Variants in DNM3 observed in about 807,000 individuals in gnomAD.
DNM3 encodes the protein dynamin-3.
A neutral mutation model predicts 101.6 loss-of-function variants in DNM3; 47 were observed. The ratio of observed to expected loss-of-function variants is 0.46; its 90% CI spans 0.37 to 0.59. The LOEUF (loss-of-function observed/expected upper bound fraction) is 0.59, where lower values mean the gene tolerates loss of function less well. DNM3 is among the 20% of genes least tolerant of loss of function. The pLI is 0.00. For missense variants in DNM3, 849 were observed against 1,085.7 expected, an observed-to-expected ratio of 0.78 and a Z score of 3.06; for synonymous variants, 385 against 387.9, an observed-to-expected ratio of 0.99 and a Z score of 0.09.
chr1:171,927,469 G>T (rs1383567484), intron 2 of DNM3, among the ~76,000 whole-genome samples: 1 of 151,972 alleles, frequency 6.6e-6, no homozygotes, highest in Non-Finnish European at 1.5e-5. Flanking sequence ...TCATCATTTA[G>T]CTCCCACTTA....
intron 17 of DNM3, among the ~76,000 whole-genome samples, chr1:172,332,787 T>A (rs1171868879): frequency 6.6e-6 from 1 of 152,202 alleles, no homozygotes; most frequent in Admixed American, 6.5e-5. Context: ...AGCCACATGG[T>A]TACACCTAAA....
chr1:172,410,969 A>G lies in DNM3; in HGVS notation c.*3128A>G. 1.0e-6 allele frequency: 1 copy of G among 985,246 alleles called. No homozygotes were observed. Among genetic ancestry groups the G allele is most frequent in the Non-Finnish European group, 1.2e-6 (1 of 829,784 alleles). 61.0% of individuals were successfully genotyped at this position (985,246 alleles called of 1,614,324 possible). On this transcript the variant is annotated 3_prime_UTR_variant, in exon 21 of 21. Coordinates refer to ENST00000627582, the MANE Select transcript of DNM3 (RefSeq NM_015569.5). ...GTCTCTGTGTATATGGCATATACCT[A>G]GTAAGTATGTTTCTGTAAGTATGTG... is the stretch of plus-strand genomic sequence containing the variant.
intron 2 of DNM3, among the ~76,000 whole-genome samples, chr1:171,973,307 G>A (rs2044145840): frequency 6.6e-6 from 1 of 152,140 alleles, no homozygotes; most frequent in Admixed American, 6.6e-5. Context: ...TCTTTGACTG[G>A]CATCTCCTAC....
intron 15 of DNM3, among the ~76,000 whole-genome samples, chr1:172,267,644 A>T (rs12135937): frequency 0.3 from 45,072 of 151,944 alleles, 6,922 homozygotes; most frequent in Middle Eastern, 0.43. Flanking sequence ...TGCTTTGTAG[A>T]TAGCTACACT....
intron 7 of DNM3, among the ~76,000 whole-genome samples, chr1:172,040,790 G>A (rs546916067): frequency 4.6e-5 from 7 of 151,758 alleles, no homozygotes; most frequent in South Asian, 2.1e-4. Context: ...TAAAGAACAC[G>A]TAAAAATTAG....
intron 2 of DNM3, among the ~76,000 whole-genome samples, chr1:171,941,248 G>A (rs1160762321): frequency 6.6e-5 from 10 of 152,114 alleles, no homozygotes; most frequent in Admixed American, 3.3e-4. Flanking sequence ...TGTTCAAATT[G>A]AGGATGGCTA....
chr1:171,895,643 T>C (rs2037717437), intron 1 of DNM3, among the ~76,000 whole-genome samples: 1 of 152,178 alleles, frequency 6.6e-6, no homozygotes, highest in African/African-American at 2.4e-5. Context: ...TTTAGTTTAA[T>C]TAGATCCCAT....
chr1:172,259,392 T>G (rs990869184), intron 15 of DNM3, among the ~76,000 whole-genome samples: 13 of 152,126 alleles, frequency 8.5e-5, no homozygotes, highest in African/African-American at 2.7e-4. Flanking sequence ...CCTTCAGGTC[T>G]AATAATATTT....
At chr1:172,217,825 G>A (rs191002532) in intron 14 of DNM3, among the ~76,000 whole-genome samples, 1 of 152,194 alleles carries the variant, frequency 6.6e-6, no homozygotes, top group East Asian at 1.9e-4. Context: ...AAATCACAAT[G>A]AGTGCATTTG....
At chr1:172,096,267 G>A (rs1239077676) in intron 13 of DNM3, among the ~76,000 whole-genome samples, 4 of 152,080 alleles carry the variant, frequency 2.6e-5, no homozygotes, top group Admixed American at 2.0e-4. Flanking sequence ...TCATTAGGAC[G>A]TAAGACCCAT....
intron 14 of DNM3, among the ~76,000 whole-genome samples, chr1:172,251,298 TGTTCTTTTA>T (rs1445133213): frequency 1.3e-5 from 2 of 152,170 alleles, no homozygotes; most frequent in Non-Finnish European, 2.9e-5. Flanking sequence ...AGATTCATGA[TGTTCTTTTA>T]GCAGAACATC....
At chr1:172,100,945 G>T (rs78893694) in intron 13 of DNM3, among the ~76,000 whole-genome samples, 4 of 152,142 alleles carry the variant, frequency 2.6e-5, no homozygotes, top group East Asian at 1.9e-4. Flanking sequence ...ACCTTCTAAG[G>T]TTCAGTCTGA....
At chr1:172,127,412 A>ATTG (rs2148053561) in intron 13 of DNM3, among the ~76,000 whole-genome samples, 1 of 146,814 alleles carries the variant, frequency 6.8e-6, no homozygotes, top group East Asian at 2.0e-4. Context: ...TATTATTATT[A>ATTG]TTATTATTAT....
At chr1:172,386,329 G>T (rs1350777506) in intron 18 of DNM3, among the ~76,000 whole-genome samples, 1 of 152,020 alleles carries the variant, frequency 6.6e-6, no homozygotes, top group Non-Finnish European at 1.5e-5. Context: ...TAGAGTTGAT[G>T]AGATACAGTA....
At chr1:171,950,632 C>A (rs1403978423) in intron 2 of DNM3, among the ~76,000 whole-genome samples, 1 of 152,014 alleles carries the variant, frequency 6.6e-6, no homozygotes, top group African/African-American at 2.4e-5. Flanking sequence ...TGCAAATTAA[C>A]CTATAGTGAC....
intron 14 of DNM3, among the ~76,000 whole-genome samples, chr1:172,218,769 C>G (rs955531491): frequency 6.6e-6 from 1 of 151,964 alleles, no homozygotes; most frequent in Non-Finnish European, 1.5e-5. Context: ...TAAGAAGAGT[C>G]AGTAACTGTT....
intron 11 of DNM3, among the ~76,000 whole-genome samples, chr1:172,075,126 A>G (rs1319229171): frequency 6.6e-6 from 1 of 151,654 alleles, no homozygotes; most frequent in East Asian, 1.9e-4. Context: ...TTCTTTTGAG[A>G]AGTGTCTGTT....
At chr1:172,257,108 T>C (rs1364411777) in intron 15 of DNM3, among the ~76,000 whole-genome samples, 2 of 152,074 alleles carry the variant, frequency 1.3e-5, no homozygotes, top group East Asian at 1.9e-4. Context: ...TGAGAGCTGA[T>C]TGGATTATGC....
chr1:172,388,917 G>A (rs367674747), intron 20 of DNM3, 108 bp downstream of exon 20: 37 of 963,718 alleles, frequency 3.8e-5, no homozygotes, highest in Middle Eastern at 5.4e-4. Flanking sequence ...CTTATCGTAC[G>A]TGTTTGCAGT....
Sources: allele counts gnomAD v4.1 joint callset (sites outside exome capture counted in the v4.1 genomes callset), GRCh38; gene constraint gnomAD v4.1.1; transcripts MANE v1.5; gene names NCBI Gene and HGNC (gene_info 2026-07-23, HGNC 2026-07-21).